Variants in ITFG1 observed in about 807,000 individuals in gnomAD.
The protein encoded by ITFG1 is integrin alpha FG-GAP repeat containing 1, also known as T-cell immunomodulatory protein.
ITFG1 carries 34 observed loss-of-function variants against 81.8 expected under a neutral mutation model. The observed-to-expected ratio is 0.42, with a 90% confidence interval of 0.32 to 0.55. The LOEUF (loss-of-function observed/expected upper bound fraction) is 0.55. Among genes scored for constraint, ITFG1 ranks in the 20% least tolerant of loss-of-function variants. The pLI is 0.17. For missense variants in ITFG1, 672 were observed against 755.4 expected (o/e 0.89, Z 1.29); for synonymous variants, 285 against 270.6 (o/e 1.05, Z -0.52).
At chr16:47,166,750 A>G (rs1164941248) in intron 14 of ITFG1, among the ~76,000 whole-genome samples, 1 of 14,596 alleles carries the variant, frequency 6.9e-5, no homozygotes, top group Admixed American at 7.8e-4. Flanking sequence ...ACTATTAAAA[A>G]AAGAATGCTT....
intron 8 of ITFG1, among the ~76,000 whole-genome samples, chr16:47,354,240 T>C (rs1188338789): frequency 6.6e-6 from 1 of 152,056 alleles, no homozygotes; most frequent in Non-Finnish European, 1.5e-5. Context: ...AATACAGATA[T>C]AAATCCATGC....
intron 8 of ITFG1, among the ~76,000 whole-genome samples, chr16:47,361,067 A>G (rs938384343): frequency 1.3e-5 from 2 of 152,146 alleles, no homozygotes; most frequent in African/African-American, 4.8e-5. Flanking sequence ...CACGAATGAC[A>G]GTTTTCCATT....
chr16:47,219,906 A>G (rs1245262878), intron 13 of ITFG1, among the ~76,000 whole-genome samples: 1 of 152,244 alleles, frequency 6.6e-6, no homozygotes, highest in Non-Finnish European at 1.5e-5. Flanking sequence ...TAAATGATTC[A>G]TGAAGAAATC....
chr16:47,452,160 TA>T (rs1398306506), intron 4 of ITFG1, among the ~76,000 whole-genome samples: 1 of 152,210 alleles, frequency 6.6e-6, no homozygotes, highest in African/African-American at 2.4e-5. Context: ...GGTATGATTT[TA>T]ATAACTGTAA....
chr16:47,309,312 C>T (rs943543719), intron 10 of ITFG1, among the ~76,000 whole-genome samples: 9 of 152,000 alleles, frequency 5.9e-5, no homozygotes, highest in South Asian at 2.1e-4. Context: ...CCTCATGATC[C>T]GCGTGCCTCG....
At chr16:47,162,356 A>G (rs993049593) in intron 15 of ITFG1, among the ~76,000 whole-genome samples, 184 bp downstream of exon 15, 5 of 152,152 alleles carry the variant, frequency 3.3e-5, no homozygotes, top group Admixed American at 3.3e-4. Context: ...TAAAATCATG[A>G]TGTGCTCTAA....
At chr16:47,167,621 G>A (rs1238710988) in intron 14 of ITFG1, among the ~76,000 whole-genome samples, 2 of 151,292 alleles carry the variant, frequency 1.3e-5, no homozygotes, top group African/African-American at 2.4e-5. Flanking sequence ...CTTATAAAAC[G>A]GCCCCACCCT....
At chr16:47,351,888 C>G (rs1298117773) in intron 8 of ITFG1, among the ~76,000 whole-genome samples, 7 of 152,002 alleles carry the variant, frequency 4.6e-5, no homozygotes, top group South Asian at 2.1e-4. Context: ...ACAGAACAGA[C>G]CCCTCAGAAA....
intron 14 of ITFG1, among the ~76,000 whole-genome samples, chr16:47,188,618 T>TGGGGGGA (rs1318299677): frequency 3.3e-5 from 1 of 30,218 alleles, no homozygotes; most frequent in Non-Finnish European, 6.0e-5. Context: ...TGTTGTGGGG[T>TGGGGGGA]GGGGGGAGGG....
chr16:47,375,321 C>T (rs78908855), intron 7 of ITFG1, among the ~76,000 whole-genome samples: 2,071 of 151,654 alleles, frequency 0.014, 18 homozygotes, highest in Non-Finnish European at 0.022. Flanking sequence ...GTTGTTTATT[C>T]TTCATTAATT....
intron 6 of ITFG1, among the ~76,000 whole-genome samples, chr16:47,410,426 T>C (rs186662907): frequency 6.6e-5 from 10 of 151,598 alleles, no homozygotes; most frequent in African/African-American, 2.2e-4. Context: ...CAAAATAAGA[T>C]ATAGAGTGAT....
At chr16:47,339,074 C>G (rs1967747369) in intron 8 of ITFG1, among the ~76,000 whole-genome samples, 1 of 152,182 alleles carries the variant, frequency 6.6e-6, no homozygotes, top group Non-Finnish European at 1.5e-5. Flanking sequence ...CTGTGCCTGG[C>G]TTCTTTCATT....
Position 47,209,226 on chromosome 16 carries a change from C to T in ITFG1, c.1453+9642G>A, listed in dbSNP as rs118167360. On this transcript the variant is annotated intron_variant, in intron 14 of 17. Coordinates refer to ENST00000320640, the MANE Select transcript of ITFG1 (RefSeq NM_030790.5). ...CAAACTATATTTACTAAAATGTTTC[C>T]TATTTTAATCCATCATTGTAACTGT... Among the ~76,000 whole-genome samples, 832 of 152,068 alleles carry T rather than the reference C, an allele frequency of 5.5e-3. 6 individuals carry two copies. Among genetic ancestry groups the T allele is most frequent in the Middle Eastern group, 0.01 (3 of 294 alleles).
intron 6 of ITFG1, among the ~76,000 whole-genome samples, chr16:47,400,683 A>G (rs1375011742): frequency 1.3e-5 from 2 of 152,156 alleles, no homozygotes; most frequent in Non-Finnish European, 2.9e-5. Flanking sequence ...AAGGGTATGT[A>G]AAAGTCAGTT....
chr16:47,350,621 A>C (rs1792230582), intron 8 of ITFG1, among the ~76,000 whole-genome samples: 1 of 152,234 alleles, frequency 6.6e-6, no homozygotes, highest in Admixed American at 6.5e-5. Flanking sequence ...TCACAGCCGA[A>C]TTCTACCTGA....
chr16:47,366,196 T>A (rs1278400203), intron 7 of ITFG1, among the ~76,000 whole-genome samples: 2 of 152,166 alleles, frequency 1.3e-5, no homozygotes, highest in African/African-American at 4.8e-5. Context: ...CTAGTTCCTA[T>A]CCTCAAAGAG....
Position 47,258,711 on chromosome 16 carries a change from T to C in ITFG1, c.1251A>G (p.Lys417=), listed in dbSNP as rs1966168461. The C allele has an allele frequency of 1.9e-6, 3 of 1,548,878 alleles. No homozygotes were observed. The Admixed American group carries it at 5.6e-5, about 29-fold the overall frequency. ...DGILDIVVLS[K]GYTKNDFAIH... is the part of the protein sequence containing the mutation. ...TGGCAAAATCATTCTTTGTATATCC[T>C]TTACTTAGCACTACAATGTCCAAGA... The change falls in exon 12 of 18, where the codon AAA becomes AAG. Residue 417 remains lysine, a synonymous_variant. Transcript: ENST00000320640.
chr16:47,294,372 G>GT (rs1280387642), intron 10 of ITFG1, among the ~76,000 whole-genome samples: 1 of 151,986 alleles, frequency 6.6e-6, no homozygotes, highest in Non-Finnish European at 1.5e-5. Flanking sequence ...ATTTTAGGAT[G>GT]TTTTTTCTAA....
chr16:47,411,462 G>A (rs1004759904), intron 6 of ITFG1, among the ~76,000 whole-genome samples: 1 of 152,120 alleles, frequency 6.6e-6, no homozygotes, highest in African/African-American at 2.4e-5. Context: ...CTTGCTGAGT[G>A]ACAAAACCTT....
Sources: allele counts gnomAD v4.1 joint callset (sites outside exome capture counted in the v4.1 genomes callset), GRCh38; gene constraint gnomAD v4.1.1; transcripts MANE v1.5; gene names NCBI Gene and HGNC (gene_info 2026-07-23, HGNC 2026-07-21).